Variants in CUX1 observed in about 807,000 individuals in gnomAD.
CUX1 encodes the protein protein CASP.
In CUX1, 31 loss-of-function variants were observed where a neutral mutation model predicts 158.8. That is an observed-to-expected ratio of 0.20 (90% CI 0.15 to 0.26). The LOEUF is 0.26. Among genes scored for constraint, CUX1 ranks in the 10% least tolerant of loss-of-function variants. The pLI, the probability that CUX1 is intolerant of heterozygous loss-of-function variation, is 1.00. For synonymous variants in CUX1, 879 were observed against 862.1 expected, an observed-to-expected ratio of 1.02 and a Z score of -0.34; for missense variants, 1,589 against 2,014.6, an observed-to-expected ratio of 0.79 and a Z score of 4.04.
intron 3 of CUX1, among the ~76,000 whole-genome samples, chr7:102,050,117 G>A (rs1020876660): frequency 2.0e-5 from 3 of 152,236 alleles, no homozygotes; most frequent in Admixed American, 6.5e-5. Context: ...TTAAAGGAGC[G>A]GAGAAAACCA....
intron 2 of CUX1, among the ~76,000 whole-genome samples, chr7:101,974,901 G>A (rs2129201338): frequency 1.3e-5 from 2 of 152,254 alleles, no homozygotes; most frequent in South Asian, 4.1e-4. Context: ...TCTGGGAATG[G>A]GATTTGCTGG....
At chr7:102,159,706 C>T (rs1283656280) in intron 9 of CUX1, among the ~76,000 whole-genome samples, 3 of 151,548 alleles carry the variant, frequency 2.0e-5, no homozygotes, top group African/African-American at 7.3e-5. Flanking sequence ...ACTAAAAATA[C>T]AAAATTTAGC....
intron 14 of CUX1, among the ~76,000 whole-genome samples, chr7:102,266,685 G>A (rs782292430): frequency 3.9e-5 from 6 of 152,172 alleles, no homozygotes; most frequent in South Asian, 2.1e-4. Flanking sequence ...GCAGCCAGCC[G>A]GGGAAGGAGG....
chr7:102,213,510 C>G (rs1439054654), intron 20 of CUX1, among the ~76,000 whole-genome samples: 1 of 152,228 alleles, frequency 6.6e-6, no homozygotes, highest in Non-Finnish European at 1.5e-5. Context: ...CCTGGACCCT[C>G]CATCCTGGTG....
chr7:102,258,834 G>A (rs1790163240), downstream of CUX1, among the ~76,000 whole-genome samples: 1 of 152,218 alleles, frequency 6.6e-6, no homozygotes, highest in African/African-American at 2.4e-5. Context: ...CTTGCGAGTG[G>A]GACAGTGGCT....
At chr7:101,922,518 A>T (rs1234508431) in intron 2 of CUX1, among the ~76,000 whole-genome samples, 1 of 152,202 alleles carries the variant, frequency 6.6e-6, no homozygotes, top group Non-Finnish European at 1.5e-5. Context: ...GGGGGCTCCC[A>T]GACACTCATC....
At chr7:102,146,883 G>A (rs1835078037) in intron 8 of CUX1, among the ~76,000 whole-genome samples, 1 of 152,176 alleles carries the variant, frequency 6.6e-6, no homozygotes, top group Non-Finnish European at 1.5e-5. Flanking sequence ...ACATGAGTGA[G>A]CCACTGCGCC....
At chr7:102,204,845 G>A (rs1795789109) in intron 19 of CUX1, among the ~76,000 whole-genome samples, 1 of 152,250 alleles carries the variant, frequency 6.6e-6, no homozygotes. Flanking sequence ...CATAAATACA[G>A]GTAAAAGTCA....
intron 23 of CUX1, among the ~76,000 whole-genome samples, chr7:102,244,706 T>A (rs1554536285): frequency 6.6e-6 from 1 of 151,802 alleles, no homozygotes; most frequent in Non-Finnish European, 1.5e-5. Flanking sequence ...AAAAAAAACA[T>A]ATCTCAGGCT....
At chr7:102,263,535 C>T (rs1256111835) in intron 14 of CUX1, among the ~76,000 whole-genome samples, 9 of 151,914 alleles carry the variant, frequency 5.9e-5, no homozygotes, top group Non-Finnish European at 1.3e-4. Flanking sequence ...ATTCTGGTCT[C>T]GAACTCCTGA....
At chr7:102,280,997 G>A in intron 20 of CUX1, 1 of 739,126 alleles carries the variant, frequency 1.4e-6, no homozygotes, top group Non-Finnish European at 2.3e-6. Flanking sequence ...CTGGGACAGG[G>A]TCTCTCCCCT....
chr7:101,887,791 C>T (rs1800383805), intron 1 of CUX1, among the ~76,000 whole-genome samples: 1 of 151,318 alleles, frequency 6.6e-6, no homozygotes, highest in Admixed American at 6.6e-5. Context: ...GCTTTTAGGA[C>T]CATTGGACTG....
Position 102,249,259 on chromosome 7 carries a change from G to A in CUX1, c.*217G>A, listed in dbSNP as rs1801214766. On this transcript the variant is annotated 3_prime_UTR_variant, in exon 24 of 24. Coordinates refer to ENST00000292535, the MANE Select transcript of CUX1 (RefSeq NM_181552.4). The stretch of plus-strand genomic sequence containing the variant: ...AGGCCGCGGCCCAGACCCACTCTGC[G>A]GCCCGGGCCGACCCTGCGGCCTCCA... The A allele has an allele frequency of 9.4e-7, 1 of 1,065,396 alleles. No individual in the cohort carries two copies. The allele number at this position is 1,065,396 out of a possible 1,614,324, so 66.0% of individuals were successfully genotyped here. A position where few individuals can be genotyped will look rare whatever the true frequency, so the allele number is the denominator to read the frequency against.
chr7:102,100,819 A>G (rs1195761691), intron 5 of CUX1, among the ~76,000 whole-genome samples: 2 of 152,130 alleles, frequency 1.3e-5, no homozygotes, highest in African/African-American at 2.4e-5. Context: ...GAAAAAAAAA[A>G]AGATGGTGTG....
intron 1 of CUX1, among the ~76,000 whole-genome samples, chr7:101,889,923 A>G (rs1370676778): frequency 1.3e-5 from 2 of 152,094 alleles, no homozygotes; most frequent in African/African-American, 4.8e-5. Flanking sequence ...GTGACTTGAG[A>G]TGCTCTGTTT....
intron 23 of CUX1, among the ~76,000 whole-genome samples, chr7:102,244,564 G>A (rs1240642757): frequency 6.6e-6 from 1 of 152,218 alleles, no homozygotes; most frequent in African/African-American, 2.4e-5. Flanking sequence ...GCGTGGTGGT[G>A]CATGCCTGTG....
In CUX1 at chr7:102,202,805, G is replaced by A. The variant is rs567062931; in HGVS notation, c.2907+601G>A. Among the ~76,000 whole-genome samples, 61 of 152,320 alleles carry A rather than the reference G, an allele frequency of 4.0e-4. 2 individuals are homozygous for A. In the East Asian group the frequency reaches 6.6e-3, roughly 16 times the overall value. ...GGGGATGGCCCAAGCAGGGTGGCCC[G>A]TGTTTCCCTATCATCCTTCCCTGGC... is the stretch of plus-strand genomic sequence containing the variant. On this transcript the variant is annotated intron_variant, in intron 18 of 23. Transcript: ENST00000292535.
At chr7:101,973,195 G>A (rs758720765) in intron 2 of CUX1, among the ~76,000 whole-genome samples, 14 of 152,106 alleles carry the variant, frequency 9.2e-5, no homozygotes, top group Non-Finnish European at 1.3e-4. Flanking sequence ...GGCAGAGGCT[G>A]GGCCCCTTTA....
chr7:102,160,804 T>C (rs1266036214), intron 9 of CUX1, among the ~76,000 whole-genome samples: 1 of 152,082 alleles, frequency 6.6e-6, no homozygotes, highest in Non-Finnish European at 1.5e-5. Context: ...AAATACGAAG[T>C]TGTTGTTAAA....
Sources: gnomAD v4.1 joint callset for allele counts (sites outside exome capture counted in the v4.1 genomes callset) on GRCh38, gnomAD v4.1.1 for gene constraint, MANE v1.5 for transcripts, NCBI Gene and HGNC (gene_info 2026-07-23, HGNC 2026-07-21) for gene names.